AQP8: variants seen among roughly 807,000 people sequenced by gnomAD.
AQP8 encodes aquaporin 8, also known as aquaporin-8.
Under a neutral mutation model 26.1 loss-of-function variants are expected in AQP8, and 14 were observed. The ratio of observed to expected loss-of-function variants is 0.54; its 90% confidence interval spans 0.35 to 0.84. The LOEUF (loss-of-function observed/expected upper bound fraction) is 0.84. AQP8 is among the 40% of genes least tolerant of loss of function. The pLI, the probability that AQP8 is intolerant of heterozygous loss-of-function variation, is 0.01. For missense variants in AQP8, 301 were observed against 340.5 expected (o/e 0.88, Z 0.91); for synonymous variants, 131 against 150.7 (o/e 0.87, Z 0.96).
intron 2 of AQP8, among the ~76,000 whole-genome samples, chr16:25,219,615 G>C (rs1319878761): frequency 6.6e-6 from 1 of 151,392 alleles, no homozygotes; most frequent in South Asian, 2.1e-4. Context: ...GGCTCCCCTG[G>C]GAAGCCGCCT....
At chr16:25,217,520 G>A (rs1731804877) in intron 2 of AQP8, 75 bp downstream of exon 2, 1 of 1,571,426 alleles carries the variant, frequency 6.4e-7, no homozygotes, top group Non-Finnish European at 8.6e-7. Flanking sequence ...CGTTGTCAAG[G>A]ACCCCTGGGC....
intron 4 of AQP8, among the ~76,000 whole-genome samples, chr16:25,226,090 T>C (rs1382475249): frequency 2.6e-5 from 4 of 152,136 alleles, no homozygotes; most frequent in African/African-American, 9.7e-5. Flanking sequence ...TTTTAAAGCT[T>C]TGTGGGTGAA....
chr16:25,225,599 C>T (rs942392947), intron 4 of AQP8, among the ~76,000 whole-genome samples: 3 of 151,742 alleles, frequency 2.0e-5, no homozygotes, highest in Non-Finnish European at 4.4e-5. Flanking sequence ...TTGGTAGAGA[C>T]GGGGTTTCAC....
At chr16:25,226,971 T>A (rs772457943) in intron 4 of AQP8, 97 bp from the exon 5 acceptor site, 2 of 1,569,766 alleles carry the variant, frequency 1.3e-6, no homozygotes, top group Non-Finnish European at 1.7e-6. Flanking sequence ...AGAGGGTTTC[T>A]GGGTGGTGTG....
chr16:25,226,678 T>C (rs1321382572), intron 4 of AQP8, among the ~76,000 whole-genome samples: 1 of 152,210 alleles, frequency 6.6e-6, no homozygotes, highest in Non-Finnish European at 1.5e-5. Flanking sequence ...TGATACACTT[T>C]TTGTTATTTT....
intron 3 of AQP8, 117 bp from the exon 4 acceptor site, chr16:25,224,245 T>C: frequency 1.1e-6 from 1 of 921,990 alleles, no homozygotes; most frequent in Non-Finnish European, 1.6e-6. Flanking sequence ...TAACTGAAAT[T>C]GGACATAACC....
chr16:25,216,952 G>T lies in AQP8; in HGVS notation c.-94G>T, dbSNP rs774617593. The T allele has an allele frequency of 4.5e-6, 7 of 1,550,906 alleles. No individual in the cohort carries two copies. The highest frequency in any genetic ancestry group is 6.2e-6 in the Non-Finnish European group (7 of 1,135,618). ...GCAGAGCCCATAGTGTGATCAGCAG[G>T]TCCTGTCCCTAGGAGATAAGAGTAT... On this transcript the variant is annotated 5_prime_UTR_variant, in exon 1 of 6. Transcript: ENST00000219660.
chr16:25,220,831 G>A (rs112659622), intron 2 of AQP8, among the ~76,000 whole-genome samples: 5,290 of 152,172 alleles, frequency 0.035, 115 homozygotes, highest in African/African-American at 0.05. Context: ...TGGGTGGATC[G>A]CTTGAGGTCA....
chr16:25,225,472 CTT>C (rs34470670), intron 4 of AQP8, among the ~76,000 whole-genome samples: 14 of 141,778 alleles, frequency 9.9e-5, no homozygotes, highest in East Asian at 2.0e-4. Context: ...CTTACAAGCC[CTT>C]TTTTTTTTTT....
In AQP8 at chr16:25,223,085, C is replaced by A. The variant is rs976645548; in HGVS notation, c.388-1277C>A. ...GAGCGCTTACCTTGTGCCAGGCACA[C>A]CAACGGCCTTGTCTGTGAGCTGGGA... On this transcript the variant is annotated intron_variant, in intron 3 of 5. Transcript: ENST00000219660. 6.2e-4 allele frequency among the ~76,000 whole-genome samples: 94 copies of A among 152,392 alleles called. 1 individual carries two copies. The highest frequency in any genetic ancestry group is 2.2e-3 in the African/African-American group (91 of 41,602).
chr16:25,227,051 T>G lies in AQP8; in HGVS notation c.603-17T>G. Reference sequence around the variant, plus strand: ...TTGGCTGGGATCCTGGTGACCTTGGTGCCTGGGTGTTTGCAGGGGCCCTGT... The same window carrying G: ...TTGGCTGGGATCCTGGTGACCTTGGGGCCTGGGTGTTTGCAGGGGCCCTGT... On this transcript the variant is annotated splice_polypyrimidine_tract_variant and intron_variant, in intron 4 of 5. Coordinates refer to ENST00000219660, the MANE Select transcript of AQP8 (RefSeq NM_001169.3). 6.2e-7 allele frequency: 1 copy of G among 1,613,634 alleles called. No individual in the cohort carries two copies. The highest frequency in any genetic ancestry group is 8.5e-7 in the Non-Finnish European group (1 of 1,179,992).
chr16:25,222,371 A>T (rs1196236002), intron 3 of AQP8, among the ~76,000 whole-genome samples: 3 of 151,976 alleles, frequency 2.0e-5, no homozygotes, highest in African/African-American at 4.8e-5. Context: ...TAAATAAATT[A>T]AAAAAAATTT....
intron 3 of AQP8, among the ~76,000 whole-genome samples, chr16:25,223,949 C>T (rs541580240): frequency 1.3e-5 from 2 of 152,010 alleles, no homozygotes; most frequent in East Asian, 3.9e-4. Flanking sequence ...GCCTCAGCCT[C>T]CTGAGCAGCT....
rs1444428365 is a variant in AQP8, at chr16:25,224,390, A to G, written c.416A>G (p.Asn139Ser). 6.2e-7 allele frequency: 1 copy of G among 1,613,774 alleles called. No homozygotes were observed. Among genetic ancestry groups the G allele is most frequent in the African/African-American group, 1.3e-5 (1 of 74,892 alleles). ...GTGAGTCCTGAGGAGAGGTTCTGGAATGCATCTGGGGCGGCCTTTGTGACA... is the reference window on the plus strand; with the variant it reads ...GTGAGTCCTGAGGAGAGGTTCTGGAGTGCATCTGGGGCGGCCTTTGTGACA... Reference protein sequence around the residue: ...KAVSPEERFWNASGAAFVTVQ... With the variant: ...KAVSPEERFWSASGAAFVTVQ... The change falls in exon 4 of 6, where the codon AAT (asparagine) becomes AGT (serine). Residue 139 changes from asparagine to serine, a missense_variant. Physicochemically the swap from Asn to Ser is conservative, Grantham distance 46 (BLOSUM62 1). Coordinates refer to ENST00000219660, the MANE Select transcript of AQP8 (RefSeq NM_001169.3).
At chr16:25,222,201 G>A (rs886065737) in intron 3 of AQP8, among the ~76,000 whole-genome samples, 1 of 152,118 alleles carries the variant, frequency 6.6e-6, no homozygotes, top group Non-Finnish European at 1.5e-5. Context: ...GAGTAGCTGG[G>A]ACTACAGGTG....
chr16:25,217,511 G>A (rs921976183), intron 2 of AQP8, 66 bp downstream of exon 2: 111 of 1,581,570 alleles, frequency 7.0e-5, no homozygotes, highest in Non-Finnish European at 8.1e-5. Flanking sequence ...AAGCAAAGGC[G>A]TTGTCAAGGA....
At chr16:25,218,581 GC>G (rs1962518389) in intron 2 of AQP8, among the ~76,000 whole-genome samples, 1 of 152,226 alleles carries the variant, frequency 6.6e-6, no homozygotes, top group African/African-American at 2.4e-5. Context: ...ATGGAAAAGA[GC>G]TTTAACATCT....
rs1203272279 is a variant in AQP8, at chr16:25,224,562, G to A, written c.588G>A (p.Val196=). ...APFSIGFAVT[V]DILAGGPVSG... ...TCTCCATCGGCTTTGCCGTCACCGTGGATATCCTGGCTGGGTGAGTGTCCC... is the reference window on the plus strand; with the variant it reads ...TCTCCATCGGCTTTGCCGTCACCGTAGATATCCTGGCTGGGTGAGTGTCCC... Residue 196 remains valine (V), a synonymous_variant, in exon 4 of 6, where the codon GTG becomes GTA. Coordinates refer to ENST00000219660, the MANE Select transcript of AQP8 (RefSeq NM_001169.3). The A allele has an allele frequency of 1.2e-6, 2 of 1,611,314 alleles. No individual in the cohort carries two copies. The highest frequency in any genetic ancestry group is 1.7e-6 in the Non-Finnish European group (2 of 1,179,928).
intron 2 of AQP8, among the ~76,000 whole-genome samples, chr16:25,220,601 A>G (rs533978667): frequency 1.3e-5 from 2 of 151,986 alleles, no homozygotes; most frequent in Admixed American, 1.3e-4. Context: ...CTGGTCATGA[A>G]CCTCCAACTC....
Sources: allele counts gnomAD v4.1 joint callset (sites outside exome capture counted in the v4.1 genomes callset), GRCh38; gene constraint gnomAD v4.1.1; transcripts MANE v1.5; gene names NCBI Gene and HGNC (gene_info 2026-07-23, HGNC 2026-07-21).